Variants in PEX14 observed in about 807,000 individuals in gnomAD.
PEX14 encodes the protein peroxisomal membrane protein PEX14.
In PEX14, 15 loss-of-function variants were observed where a neutral mutation model predicts 49.5. The observed-to-expected ratio is 0.30, with a 90% confidence interval of 0.20 to 0.47. The LOEUF (loss-of-function observed/expected upper bound fraction) is 0.47. Among genes scored for constraint, PEX14 ranks in the 20% least tolerant of loss-of-function variants. The pLI, the probability that PEX14 is intolerant of heterozygous loss-of-function variation, is 1.00. For synonymous variants in PEX14, 210 were observed against 212.7 expected, an observed-to-expected ratio of 0.99 and a Z score of 0.11; for missense variants, 398 against 494.8, an observed-to-expected ratio of 0.80 and a Z score of 1.86.
intron 2 of PEX14, among the ~76,000 whole-genome samples, chr1:10,507,239 C>G (rs1641799334): frequency 1.3e-5 from 2 of 152,266 alleles, no homozygotes; most frequent in Admixed American, 6.5e-5. Flanking sequence ...GGTGTCCATG[C>G]TGCTGAACCT....
chr1:10,583,912 C>T (rs1026004418), intron 3 of PEX14, among the ~76,000 whole-genome samples: 3 of 151,580 alleles, frequency 2.0e-5, no homozygotes, highest in African/African-American at 2.4e-5. Context: ...CAGTGAGACA[C>T]GAGGTCACAG....
At chr1:10,502,932 G>C (rs1641707825) in intron 2 of PEX14, among the ~76,000 whole-genome samples, 1 of 151,276 alleles carries the variant, frequency 6.6e-6, no homozygotes, top group African/African-American at 2.4e-5. Context: ...CCAGTAGCTG[G>C]GACTACCGGT....
At chr1:10,621,052 C>T (rs1397044716) in intron 5 of PEX14, among the ~76,000 whole-genome samples, 1 of 152,234 alleles carries the variant, frequency 6.6e-6, no homozygotes, top group Non-Finnish European at 1.5e-5. Context: ...AGCGTGGGCA[C>T]TCACACGGAG....
intron 3 of PEX14, among the ~76,000 whole-genome samples, chr1:10,580,293 C>T (rs1447104801): frequency 6.6e-6 from 1 of 152,108 alleles, no homozygotes; most frequent in African/African-American, 2.4e-5. Flanking sequence ...GGCACCATCT[C>T]AACTCACTGC....
chr1:10,585,793 G>A (rs920280813), intron 3 of PEX14, among the ~76,000 whole-genome samples: 2 of 152,260 alleles, frequency 1.3e-5, no homozygotes, highest in African/African-American at 4.8e-5. Flanking sequence ...CTACTCCGGA[G>A]TCTGAGGCAG....
At chr1:10,496,329 C>T (rs10127643) in intron 2 of PEX14, among the ~76,000 whole-genome samples, 1,945 of 152,184 alleles carry the variant, frequency 0.013, 44 homozygotes, top group East Asian at 0.082. Context: ...GGGCTTATAT[C>T]CCAGCACTCC....
rs773478511 is a variant in PEX14 at position 10,536,279 on chromosome 1, G to A, written c.151G>A (p.Ala51Thr). The part of the protein sequence containing the change: ...VRQSPLATRR[A>T]FLKKKGLTDE... ...CCAGAGCCCACTTGCAACCAGGAGAGCATTCCTAAAGAAGAAAGGTACAGG... is the reference window on the plus strand; with the variant it reads ...CCAGAGCCCACTTGCAACCAGGAGAACATTCCTAAAGAAGAAAGGTACAGG... Residue 51 changes from alanine to threonine, a missense_variant, in exon 3 of 9, where the codon GCA becomes ACA. Ala to Thr is a moderately conservative substitution (Grantham distance 58, BLOSUM62 0). Coordinates refer to ENST00000356607, the MANE Select transcript of PEX14 (RefSeq NM_004565.3). 6 of 1,607,442 alleles carry A rather than the reference G, an allele frequency of 3.7e-6. No individual in the cohort carries two copies. The highest frequency in any genetic ancestry group is 5.1e-6 in the Non-Finnish European group (6 of 1,173,836).
chr1:10,604,464 T>C (rs527874760), intron 4 of PEX14, among the ~76,000 whole-genome samples: 2 of 151,926 alleles, frequency 1.3e-5, no homozygotes, highest in Admixed American at 1.3e-4. Flanking sequence ...TAAAAAAATT[T>C]AAAAAACAAA....
rs1408463885 is a variant in PEX14, at chr1:10,629,792, G to T, written c.939G>T (p.Val313=). The change falls in exon 9 of 9, where the codon GTG becomes GTT. Residue 313 remains valine (V), a synonymous_variant. Transcript: ENST00000356607. This position sits in a 1 kb window ranked among gnomAD's most constrained non-coding sequence, Gnocchi z 8.5. ...VDVKGQVRME[V]QGEEEKREDK... is the part of the protein sequence containing the mutation. ...TCAAGGGCCAGGTGCGGATGGAGGT[G>T]CAAGGCGAGGAGGAGAAGAGGGAGG... The T allele has an allele frequency of 6.3e-7, 1 of 1,581,056 alleles. No homozygotes were observed. The highest frequency in any genetic ancestry group is 8.6e-7 in the Non-Finnish European group (1 of 1,158,684).
intron 2 of PEX14, among the ~76,000 whole-genome samples, chr1:10,504,800 C>T (rs902469336): frequency 6.6e-6 from 1 of 151,580 alleles, no homozygotes; most frequent in East Asian, 1.9e-4. Flanking sequence ...CTCCCCTCCC[C>T]TCTCCTCTTT....
chr1:10,554,359 T>TAAAGGGCAGACTCCA (rs549922669), intron 3 of PEX14, among the ~76,000 whole-genome samples: 1 of 149,336 alleles, frequency 6.7e-6, no homozygotes, highest in Admixed American at 6.6e-5. Flanking sequence ...GCAGAAAGCC[T>TAAAGGGCAGACTCCA]AAAGGGCAGA....
intron 2 of PEX14, among the ~76,000 whole-genome samples, chr1:10,531,350 C>G (rs1638645103): frequency 2.0e-5 from 3 of 152,206 alleles, no homozygotes; most frequent in Admixed American, 2.0e-4. Flanking sequence ...TGATTTCTTA[C>G]TAAAATGCAG....
At chr1:10,604,112 G>A (rs144792872) in intron 4 of PEX14, among the ~76,000 whole-genome samples, 1 of 152,252 alleles carries the variant, frequency 6.6e-6, no homozygotes, top group African/African-American at 2.4e-5. Context: ...CGCTCTCTCT[G>A]GTTGCTCCCG....
intron 2 of PEX14, among the ~76,000 whole-genome samples, chr1:10,517,382 G>A (rs1460771374): frequency 5.3e-5 from 8 of 152,070 alleles, no homozygotes; most frequent in Non-Finnish European, 7.4e-5. Flanking sequence ...TGATCGGGTC[G>A]GTTCACCCTC....
At chr1:10,626,412 C>T (rs908728895) in intron 7 of PEX14, among the ~76,000 whole-genome samples, 3 of 152,176 alleles carry the variant, frequency 2.0e-5, no homozygotes, top group Non-Finnish European at 4.4e-5. Flanking sequence ...CTCAGACTGC[C>T]CGGGTTTTCC....
intron 3 of PEX14, among the ~76,000 whole-genome samples, chr1:10,574,228 A>G (rs1025699780): frequency 5.9e-5 from 9 of 152,236 alleles, no homozygotes; most frequent in African/African-American, 2.2e-4. Context: ...TTACTGGTCA[A>G]TGGGTCTGCA....
rs1306858586 is a variant in PEX14 at position 10,529,475 on chromosome 1, T to G, written c.85-6738T>G. 1.3e-5 allele frequency among the ~76,000 whole-genome samples: 2 copies of G among 152,256 alleles called. No individual in the cohort carries two copies. Among genetic ancestry groups the G allele is most frequent in the Non-Finnish European group, 2.9e-5 (2 of 68,040 alleles). Reference sequence around the variant, plus strand: ...GCGTGGTGGTTTAAGATGCTTTTTATTTCAATATACATTTCTGGAAGAACT... The same window carrying G: ...GCGTGGTGGTTTAAGATGCTTTTTAGTTCAATATACATTTCTGGAAGAACT... On this transcript the variant is annotated intron_variant, in intron 2 of 8. Transcript: ENST00000356607. The surrounding 1 kb of genome is among the most constrained non-coding windows in gnomAD (Gnocchi z 4.2).
intron 1 of PEX14, among the ~76,000 whole-genome samples, chr1:10,480,865 A>C (rs1472272960): frequency 6.9e-4 from 100 of 145,032 alleles, no homozygotes; most frequent in African/African-American, 2.1e-3. Flanking sequence ...CTCTCTATAT[A>C]TATATTTTTT....
In PEX14 at chr1:10,491,674, C is replaced by CT. The variant is rs5772417; in HGVS notation, c.37-3577dup. 4.1e-3 allele frequency among the ~76,000 whole-genome samples: 225 copies of CT among 55,086 alleles called. 1 individual carries two copies. Among genetic ancestry groups the CT allele is most frequent in the South Asian group, 5.7e-3 (9 of 1,586 alleles). 36.1% of individuals were successfully genotyped at this position (55,086 alleles called of 152,430 possible). A position where few individuals can be genotyped will look rare whatever the true frequency, so the allele number is the denominator to read the frequency against. On this transcript the variant is annotated intron_variant, in intron 1 of 8. Transcript: ENST00000356607. ...GTGTAAGCCACACTTGGCCATGCTC[C>CT]TTTTTTTTTTTTTTTTTTTTTTTGG... is the stretch of plus-strand genomic sequence containing the variant.
Sources: allele counts gnomAD v4.1 joint callset (sites outside exome capture counted in the v4.1 genomes callset), GRCh38; gene constraint gnomAD v4.1.1; non-coding constraint Gnocchi (gnomAD v3.1); transcripts MANE v1.5; gene names NCBI Gene and HGNC (gene_info 2026-07-23, HGNC 2026-07-21).